Variants in SLFN11 observed in about 807,000 individuals in gnomAD.
SLFN11 encodes schlafen family member 11.
SLFN11 carries 43 observed loss-of-function variants against 53.4 expected under a neutral mutation model. The ratio of observed to expected loss-of-function variants is 0.80; its 90% CI spans 0.63 to 1.04. The LOEUF is 1.04. Ranked by LOEUF, SLFN11 falls within the 50% of genes least tolerant of loss-of-function variation. The pLI, the probability that SLFN11 is intolerant of heterozygous loss-of-function variation, is 0.00. For synonymous variants in SLFN11, 389 were observed against 394.7 expected, an observed-to-expected ratio of 0.99 and a Z score of 0.17; for missense variants, 990 against 1,079.1, an observed-to-expected ratio of 0.92 and a Z score of 1.16.
rs778526403 is a variant in SLFN11, at chr17:35,362,794, G to A, written c.1014C>T (p.Tyr338=). Residue 338 remains tyrosine (Y), a synonymous_variant, in exon 4 of 7, where the codon TAC becomes TAT. Transcript: ENST00000685675. Reference sequence around the variant, plus strand: ...ATTTCTCGGTTGTCAGGCTGCAGACGTACTTGTCCTCCACTATCCATGAAT... The same window carrying A: ...ATTTCTCGGTTGTCAGGCTGCAGACATACTTGTCCTCCACTATCCATGAAT... ...APNSWIVEDK[Y]VCSLTTEKWV... 47 of 1,604,208 alleles carry A rather than the reference G, an allele frequency of 2.9e-5. No individual in the cohort carries two copies. In the East Asian group the frequency reaches 3.3e-4, roughly 11 times the overall value.
At chr17:35,372,864 C>T (rs2142002760) in intron 1 of SLFN11, among the ~76,000 whole-genome samples, 1 of 152,150 alleles carries the variant, frequency 6.6e-6, no homozygotes, top group South Asian at 2.1e-4. Context: ...AAACTTAGAG[C>T]TCTTTGTCCT....
In SLFN11 at chr17:35,362,930, A is replaced by T. The variant is rs1444219668; in HGVS notation, c.878T>A (p.Ile293Lys). Residue 293 changes from isoleucine (I) to lysine (K), a missense_variant, in exon 4 of 7, where the codon ATA becomes AAA. Transcript: ENST00000685675. ...ATTCACAATTTTGAGTGTGAAGGTT[A>T]TCGGGCGTTGGGGTTGGCAAAAATG... is the stretch of plus-strand genomic sequence containing the variant. The part of the protein sequence containing the change: ...CVHFCQPQRP[I>K]TFTLKIVNVL... The T allele has an allele frequency of 8.1e-6, 13 of 1,613,752 alleles. No individual in the cohort carries two copies. Among genetic ancestry groups the T allele is most frequent in the Non-Finnish European group, 1.1e-5 (13 of 1,179,904 alleles).
chr17:35,358,386 C>T lies in SLFN11; in HGVS notation c.1198+1857G>A, dbSNP rs940633002. Among the ~76,000 whole-genome samples the T allele has an allele frequency of 5.3e-5, 8 of 151,510 alleles. 1 individual carries two copies. The highest frequency in any genetic ancestry group is 2.6e-4 in the Admixed American group (4 of 15,206). On this transcript the variant is annotated intron_variant, in intron 5 of 6. Coordinates refer to ENST00000685675, the MANE Select transcript of SLFN11 (RefSeq NM_001376007.1). ...CCAGATATATAGTCCTATCTTCTTC[C>T]ATTTTAATCCCTCTAATTTCTTTCT... is the stretch of plus-strand genomic sequence containing the variant.
intron 1 of SLFN11, among the ~76,000 whole-genome samples, chr17:35,369,901 C>T (rs1426873070): frequency 6.6e-6 from 1 of 152,112 alleles, no homozygotes; most frequent in South Asian, 2.1e-4. Context: ...AAGTCTGGGA[C>T]CCGATGGCTT....
intron 5 of SLFN11, among the ~76,000 whole-genome samples, chr17:35,354,532 T>C (rs1907228167): frequency 6.6e-6 from 1 of 152,138 alleles, no homozygotes; most frequent in Admixed American, 6.5e-5. Flanking sequence ...AACTCCATAG[T>C]TGCAGAGGAG....
At chr17:35,356,851 T>C (rs906588743) in intron 5 of SLFN11, among the ~76,000 whole-genome samples, 5 of 149,256 alleles carry the variant, frequency 3.3e-5, no homozygotes, top group African/African-American at 1.3e-4. Flanking sequence ...TCCCAAAGGT[T>C]AAATGCATTT....
At position 35,351,440 on chromosome 17, in the gene SLFN11, A is replaced by G. The variant is rs1416442179; in HGVS notation, c.*916T>C. ...CCCACCAAACCATGAAAGTAAATAGAAAAAAAATCACAGTTCAAGAATAAC... is the reference window on the plus strand; with the variant it reads ...CCCACCAAACCATGAAAGTAAATAGGAAAAAAATCACAGTTCAAGAATAAC... On this transcript the variant is annotated 3_prime_UTR_variant, in exon 7 of 7. Coordinates refer to ENST00000685675, the MANE Select transcript of SLFN11 (RefSeq NM_001376007.1). 1 of 152,070 alleles carries G rather than the reference A, an allele frequency of 6.6e-6. No homozygotes were observed. Among genetic ancestry groups the G allele is most frequent in the African/African-American group, 2.4e-5 (1 of 41,346 alleles). The allele number at this position is 152,070 out of a possible 1,614,324, so 9.4% of individuals were successfully genotyped here.
intron 5 of SLFN11, 79 bp from the exon 6 acceptor site, chr17:35,354,138 T>A: frequency 4.8e-6 from 6 of 1,237,346 alleles, no homozygotes; most frequent in Non-Finnish European, 6.5e-6. Flanking sequence ...ATTAACTAAT[T>A]GATTAACTAA....
intron 5 of SLFN11, among the ~76,000 whole-genome samples, chr17:35,357,876 ATATC>A (rs1202317832): frequency 2.1e-5 from 3 of 145,988 alleles, no homozygotes; most frequent in African/African-American, 7.4e-5. Context: ...TATATTTTAT[ATATC>A]TATATATTAT....
chr17:35,366,217 G>T (rs889051528), intron 3 of SLFN11, among the ~76,000 whole-genome samples: 1 of 152,066 alleles, frequency 6.6e-6, no homozygotes, highest in Non-Finnish European at 1.5e-5. Flanking sequence ...GGCAGGGATC[G>T]CATTGATAGG....
chr17:35,363,916 T>C (rs552148264), intron 3 of SLFN11, 90 bp from the exon 4 acceptor site: 3 of 1,031,474 alleles, frequency 2.9e-6, no homozygotes, highest in South Asian at 3.5e-5. Context: ...GAGAAGACAA[T>C]AGACTAGCAA....
rs1323760882 is a variant in SLFN11, at chr17:35,363,255, G to T, written c.553C>A (p.Pro185Thr). The T allele has an allele frequency of 6.2e-7, 1 of 1,614,024 alleles. No individual in the cohort carries two copies. Among genetic ancestry groups the T allele is most frequent in the African/African-American group, 1.3e-5 (1 of 75,006 alleles). ...QELPNSDPAD[P>T]NSDPADLIFQ... ...ATTAGGTCAGCAGGATCCGAGTTTG[G>T]GTCAGCAGGATCCGAGTTAGGGAGC... The change falls in exon 4 of 7, where the codon CCA becomes ACA. Residue 185 changes from proline to threonine, a missense_variant. Transcript: ENST00000685675.
Position 35,353,143 on chromosome 17 carries a change from T to C in SLFN11, c.1923-4A>G. 1 of 1,607,672 alleles carries C rather than the reference T, an allele frequency of 6.2e-7. No homozygotes were observed. The highest frequency in any genetic ancestry group is 8.5e-7 in the Non-Finnish European group (1 of 1,177,738). ...TGCTCGGCAGATATTTCTATCACTG[T>C]AAAAATTAAAAGAACACACTCAGGT... On this transcript the variant is annotated splice_region_variant and splice_polypyrimidine_tract_variant and intron_variant, in intron 6 of 6. Coordinates refer to ENST00000685675, the MANE Select transcript of SLFN11 (RefSeq NM_001376007.1).
At position 35,360,319 on chromosome 17, in the gene SLFN11, C is replaced by A; in HGVS notation, c.1122G>T (p.Gly374=). The change falls in exon 5 of 7, where the codon GGG becomes GGT. Residue 374 remains glycine, a synonymous_variant. Transcript: ENST00000685675. The part of the protein sequence containing the change: ...DFECQLSLSS[G]PPLSRPVYSK... ...AGTACACTGGTCTGCTAAGGGGAGG[C>A]CCACTAGATAGACTCAGCTGACATT... The A allele has an allele frequency of 6.2e-7, 1 of 1,609,630 alleles. No individual in the cohort carries two copies. The highest frequency in any genetic ancestry group is 8.5e-7 in the Non-Finnish European group (1 of 1,178,580).
In SLFN11 at chr17:35,352,540, G is replaced by A. The variant is rs376285868; in HGVS notation, c.2522C>T (p.Ala841Val). The change falls in exon 7 of 7, where the codon GCA becomes GTA. Residue 841 changes from alanine to valine, a missense_variant. Coordinates refer to ENST00000685675, the MANE Select transcript of SLFN11 (RefSeq NM_001376007.1). ...RKKRVVQLSD[A>V]CDMLGDHIVL... ...AATGTGATCACCCAACATATCACAT[G>A]CATCACTGAGCTGCACCACCCTTTT... The A allele has an allele frequency of 2.0e-4, 328 of 1,614,048 alleles. 1 individual carries two copies. In the Middle Eastern group the frequency reaches 2.5e-3, roughly 12 times the overall value.
In SLFN11 at chr17:35,353,130, A is replaced by G. The variant is rs1294084840; in HGVS notation, c.1932T>C (p.Asn644=). 5 of 1,612,750 alleles carry G rather than the reference A, an allele frequency of 3.1e-6. No homozygotes were observed. The highest frequency in any genetic ancestry group is 2.2e-5 in the South Asian group (2 of 90,830). The change falls in exon 7 of 7, where the codon AAT becomes AAC. Residue 644 remains asparagine, a synonymous_variant. Coordinates refer to ENST00000685675, the MANE Select transcript of SLFN11 (RefSeq NM_001376007.1). ...TTTTCCGGGTCTCTGCTCGGCAGATATTTCTATCACTGTAAAAATTAAAAG... is the reference window on the plus strand; with the variant it reads ...TTTTCCGGGTCTCTGCTCGGCAGATGTTTCTATCACTGTAAAAATTAAAAG... ...QPLRNFISDR[N]ICRAETRKTF...
At chr17:35,366,242 G>A (rs1475135163) in intron 3 of SLFN11, among the ~76,000 whole-genome samples, 1 of 152,112 alleles carries the variant, frequency 6.6e-6, no homozygotes, top group Non-Finnish European at 1.5e-5. Context: ...AAGTAAAAAG[G>A]TGAATGGATT....
In SLFN11 at chr17:35,353,641, A is replaced by G; in HGVS notation, c.1617T>C (p.Tyr539=). ...CCATGTGCTGGGTGCCTGCAAGGCTATAGGACGCAGGGTAATCCATCGGAG... is the reference window on the plus strand; with the variant it reads ...CCATGTGCTGGGTGCCTGCAAGGCTGTAGGACGCAGGGTAATCCATCGGAG... ...AVSPMDYPAS[Y]SLAGTQHMEA... Residue 539 remains tyrosine (Y), a synonymous_variant, in exon 6 of 7, where the codon TAT becomes TAC. Coordinates refer to ENST00000685675, the MANE Select transcript of SLFN11 (RefSeq NM_001376007.1). 8.8e-7 allele frequency: 1 copy of G among 1,141,700 alleles called. No homozygotes were observed. The highest frequency in any genetic ancestry group is 1.2e-6 in the Non-Finnish European group (1 of 838,048). The allele number at this position is 1,141,700 out of a possible 1,614,324, so 70.7% of individuals were successfully genotyped here.
rs1285595901 is a variant in SLFN11, at chr17:35,363,237, C to A, written c.571G>T (p.Asp191Tyr). 6.2e-7 allele frequency: 1 copy of A among 1,613,902 alleles called. No individual in the cohort carries two copies. Among genetic ancestry groups the A allele is most frequent in the East Asian group, 2.2e-5 (1 of 44,900 alleles). Residue 191 changes from aspartate to tyrosine, a missense_variant, in exon 4 of 7, where the codon GAC (aspartate) becomes TAC (tyrosine). Physicochemically the swap from Asp to Tyr is radical, Grantham distance 160. This residue lies in a region of SLFN11 where 521 missense variants were observed against 516.2 expected (regional missense o/e 1.01). Coordinates refer to ENST00000685675, the MANE Select transcript of SLFN11 (RefSeq NM_001376007.1). ...AGATAGTCTTTTTGGAAAATTAGGT[C>A]AGCAGGATCCGAGTTTGGGTCAGCA... Reference protein sequence around the residue: ...DPADPNSDPADLIFQKDYLEY... With the variant: ...DPADPNSDPAYLIFQKDYLEY...
Sources: allele counts gnomAD v4.1 joint callset (sites outside exome capture counted in the v4.1 genomes callset), GRCh38; gene constraint gnomAD v4.1.1; regional missense constraint gnomAD v4.1.1; transcripts MANE v1.5; gene names NCBI Gene and HGNC (gene_info 2026-07-23, HGNC 2026-07-21).